ZNF404: variants seen among roughly 807,000 people sequenced by gnomAD.
The protein encoded by ZNF404 is zinc finger protein 404.
A neutral mutation model predicts 7.3 loss-of-function variants in ZNF404; 7 were observed. That is an observed-to-expected ratio of 0.95 (90% confidence interval 0.54 to 1.79). ZNF404 has a LOEUF of 1.79. ZNF404 is among the 40% of genes most tolerant of loss of function. The pLI is 0.00. For missense variants in ZNF404, 560 were observed against 661.5 expected (o/e 0.85, Z 1.68); for synonymous variants, 191 against 209.9 (o/e 0.91, Z 0.78).
At position 43,872,881 on chromosome 19, in the gene ZNF404, C is replaced by T; in HGVS notation, c.1333G>A (p.Gly445Arg). Residue 445 changes from glycine (G) to arginine (R), a missense_variant, in exon 3 of 3, where the codon GGA becomes AGA. Gly to Arg is a moderately radical substitution (Grantham distance 125, BLOSUM62 -2). Transcript: ENST00000587539. This position sits in a 1 kb window ranked among gnomAD's most constrained non-coding sequence, Gnocchi z 4.4. ...GEKPYECKEC[G>R]KTFRLNSQLI... The stretch of plus-strand genomic sequence containing the variant: ...TGAGAATTAAGTCTAAAGGTTTTTC[C>T]ACATTCCTTACATTCATAGGGTTTC... 6.2e-7 allele frequency: 1 copy of T among 1,607,530 alleles called. No individual in the cohort carries two copies. Among genetic ancestry groups the T allele is most frequent in the East Asian group, 2.2e-5 (1 of 44,738 alleles).
intron 1 of ZNF404, 85 bp downstream of exon 1, chr19:43,883,871 G>A (rs1971917465): frequency 7.1e-7 from 1 of 1,414,684 alleles, no homozygotes; most frequent in African/African-American, 1.4e-5. Flanking sequence ...TCTGAGATAG[G>A]AGGTTTCAGG....
chr19:43,879,088 A>C (rs993316012), intron 2 of ZNF404, among the ~76,000 whole-genome samples: 18 of 152,342 alleles, frequency 1.2e-4, no homozygotes, highest in African/African-American at 3.8e-4. Context: ...AAAATGAGGC[A>C]TAAAAGAATT....
chr19:43,874,205 C>CTA, intron 2 of ZNF404, 128 bp from the exon 3 acceptor site: 1 of 696,918 alleles, frequency 1.4e-6, no homozygotes, highest in Non-Finnish European at 2.2e-6. Context: ...TTAGAAAATT[C>CTA]TAAAGTACTG....
At chr19:43,876,271 G>A (rs1045448475) in intron 2 of ZNF404, among the ~76,000 whole-genome samples, 11 of 152,000 alleles carry the variant, frequency 7.2e-5, no homozygotes, top group South Asian at 4.2e-4. Flanking sequence ...CTGAGATTGC[G>A]CCACTGTACT....
intron 1 of ZNF404, among the ~76,000 whole-genome samples, chr19:43,883,550 A>G (rs1042449404): frequency 5.9e-5 from 9 of 152,222 alleles, no homozygotes; most frequent in Non-Finnish European, 1.2e-4. Context: ...GAGACCACTC[A>G]TAACCAAGTT....
intron 2 of ZNF404, among the ~76,000 whole-genome samples, chr19:43,874,645 T>C (rs1193708422): frequency 1.3e-5 from 2 of 152,188 alleles, no homozygotes; most frequent in African/African-American, 4.8e-5. Context: ...GGGTGTTACA[T>C]AGATGTTCCA....
At chr19:43,881,449 T>G (rs1318652714) in intron 1 of ZNF404, among the ~76,000 whole-genome samples, 1 of 152,130 alleles carries the variant, frequency 6.6e-6, no homozygotes, top group East Asian at 1.9e-4. Context: ...TTGGTGGAAA[T>G]TAAAATTAAA....
At chr19:43,879,975 G>A in intron 2 of ZNF404, 35 bp downstream of exon 2, 1 of 1,610,422 alleles carries the variant, frequency 6.2e-7, no homozygotes, top group Non-Finnish European at 8.5e-7. Flanking sequence ...ATTCTAGAGA[G>A]CATATTGTAC....
chr19:43,874,558 G>C (rs1971838635), intron 2 of ZNF404, among the ~76,000 whole-genome samples: 1 of 152,076 alleles, frequency 6.6e-6, no homozygotes. Context: ...TCAAGCCCTT[G>C]ATATCTGCTC....
rs190105545 is a variant in ZNF404 at position 43,876,856 on chromosome 19, A to C, written c.137-2779T>G. On this transcript the variant is annotated intron_variant, in intron 2 of 2. Transcript: ENST00000587539. Reference sequence around the variant, plus strand: ...CAGTTTAATCATAAAAAATTCAACAAACCCAAATTGTCCGGCACTTTTCAA... The same window carrying C: ...CAGTTTAATCATAAAAAATTCAACACACCCAAATTGTCCGGCACTTTTCAA... Among the ~76,000 whole-genome samples, 577 of 152,302 alleles carry C rather than the reference A, an allele frequency of 3.8e-3. 2 individuals are homozygous for C. Among genetic ancestry groups the C allele is most frequent in the Middle Eastern group, 6.8e-3 (2 of 294 alleles).
At chr19:43,876,608 T>G (rs997106332) in intron 2 of ZNF404, among the ~76,000 whole-genome samples, 3 of 152,022 alleles carry the variant, frequency 2.0e-5, no homozygotes, top group Admixed American at 6.6e-5. Flanking sequence ...AAAATAAAAT[T>G]TATCAAAAGT....
intron 2 of ZNF404, among the ~76,000 whole-genome samples, chr19:43,874,410 G>A (rs1342582813): frequency 6.6e-6 from 1 of 151,904 alleles, no homozygotes; most frequent in Non-Finnish European, 1.5e-5. Context: ...ATGCACAGGA[G>A]TATGTCCTGA....
At position 43,874,002 on chromosome 19, in the gene ZNF404, T is replaced by C; in HGVS notation, c.212A>G (p.Glu71Gly). ...RNYEVNAYHQ[E>G]TWKRNKTFNL... ...GAAGGTTTTATTTCTTTTCCATGTC[T>C]CCTGATGGTACGCATTTACTTCATA... Residue 71 changes from glutamate (E) to glycine (G), a missense_variant, in exon 3 of 3, where the codon GAG (glutamate) becomes GGG (glycine). Transcript: ENST00000587539. The C allele has an allele frequency of 6.2e-7, 1 of 1,608,720 alleles. No individual in the cohort carries two copies. Among genetic ancestry groups the C allele is most frequent in the Non-Finnish European group, 8.5e-7 (1 of 1,178,466 alleles).
chr19:43,874,138 C>T (rs2146617524), intron 2 of ZNF404, 61 bp from the exon 3 acceptor site: 4 of 1,134,940 alleles, frequency 3.5e-6, no homozygotes, highest in Non-Finnish European at 3.6e-6. Context: ...AGGGAGAGGA[C>T]ATCTATATTA....
Position 43,873,211 on chromosome 19 carries a change from C to T in ZNF404, c.1003G>A (p.Ala335Thr). ...KPHECMECGKAFGKGSSLLKH... is the reference protein window; with the variant it reads ...KPHECMECGKTFGKGSSLLKH... ...AGAAGGCTTGAGCCCTTACCAAAAGCCTTTCCACATTCCATGCATTCATGA... is the reference window on the plus strand; with the variant it reads ...AGAAGGCTTGAGCCCTTACCAAAAGTCTTTCCACATTCCATGCATTCATGA... The change falls in exon 3 of 3, where the codon GCT becomes ACT. Residue 335 changes from alanine to threonine, a missense_variant. By Grantham distance (58) the Ala-to-Thr change is moderately conservative. Coordinates refer to ENST00000587539, the MANE Select transcript of ZNF404 (RefSeq NM_001033719.3). The T allele has an allele frequency of 6.2e-7, 1 of 1,613,530 alleles. No individual in the cohort carries two copies. Among genetic ancestry groups the T allele is most frequent in the Non-Finnish European group, 8.5e-7 (1 of 1,179,606 alleles).
At chr19:43,877,253 T>C (rs932765258) in intron 2 of ZNF404, among the ~76,000 whole-genome samples, 2 of 152,048 alleles carry the variant, frequency 1.3e-5, no homozygotes, top group African/African-American at 4.8e-5. Context: ...CCAGAAGAGA[T>C]GGAAAATCTA....
chr19:43,877,744 C>T (rs1347909560), intron 2 of ZNF404, among the ~76,000 whole-genome samples: 3 of 118,590 alleles, frequency 2.5e-5, no homozygotes, highest in African/African-American at 9.5e-5. Context: ...TCCCCCCACC[C>T]CACAACAGTC....
chr19:43,872,602 G>C lies in ZNF404; in HGVS notation c.1612C>G (p.Leu538Val). 3 of 1,610,844 alleles carry C rather than the reference G, an allele frequency of 1.9e-6. No homozygotes were observed. Among genetic ancestry groups the C allele is most frequent in the Non-Finnish European group, 2.5e-6 (3 of 1,178,368 alleles). ...TGGTGAAATCTTTGATGTTGACTAA[G>C]TTGATAGCAATGACTAAAGGCCTTA... ...CGKAFSHCYQ[L>V]SQHQRFHHGE... The change falls in exon 3 of 3, where the codon CTT (leucine) becomes GTT (valine). Residue 538 changes from leucine (L) to valine (V), a missense_variant. Coordinates refer to ENST00000587539, the MANE Select transcript of ZNF404 (RefSeq NM_001033719.3). This position sits in a 1 kb window ranked among gnomAD's most constrained non-coding sequence, Gnocchi z 4.4.
At chr19:43,879,070 T>A (rs1292928140) in intron 2 of ZNF404, among the ~76,000 whole-genome samples, 1 of 151,832 alleles carries the variant, frequency 6.6e-6, no homozygotes, top group African/African-American at 2.4e-5. Flanking sequence ...GACCCCCAGA[T>A]GATACAAAAA....
Sources: allele counts gnomAD v4.1 joint callset (sites outside exome capture counted in the v4.1 genomes callset), GRCh38; gene constraint gnomAD v4.1.1; non-coding constraint Gnocchi (gnomAD v3.1); transcripts MANE v1.5; gene names NCBI Gene and HGNC (gene_info 2026-07-23, HGNC 2026-07-21).